Variants in TCP11L1 observed in about 807,000 individuals in gnomAD.
TCP11L1 encodes the protein T-complex protein 11-like protein 1.
TCP11L1 carries 28 observed loss-of-function variants against 48.9 expected under a neutral mutation model. The observed-to-expected ratio is 0.57, with a 90% CI of 0.42 to 0.78. TCP11L1 has a LOEUF of 0.78. Among genes scored for constraint, TCP11L1 ranks in the 30% least tolerant of loss-of-function variants. The probability of loss-of-function intolerance (pLI) is 0.00; values close to 1 mark genes in which losing one functional copy is unlikely to be tolerated. For synonymous variants in TCP11L1, 204 were observed against 231.9 expected, an observed-to-expected ratio of 0.88 and a Z score of 1.09; for missense variants, 505 against 613.4, an observed-to-expected ratio of 0.82 and a Z score of 1.87.
intron 2 of TCP11L1, among the ~76,000 whole-genome samples, chr11:33,053,805 G>A (rs188535347): frequency 3.9e-4 from 60 of 152,228 alleles, no homozygotes; most frequent in Admixed American, 9.2e-4. Context: ...TAAAGGACTT[G>A]ATGGTATTTT....
intron 2 of TCP11L1, among the ~76,000 whole-genome samples, chr11:33,053,398 A>G (rs1854221692): frequency 6.6e-6 from 1 of 152,082 alleles, no homozygotes; most frequent in Non-Finnish European, 1.5e-5. Flanking sequence ...ACCTGCCTTG[A>G]TCTCCCAAAG....
At chr11:33,041,149 C>A (rs1853820661) in intron 1 of TCP11L1, 1 of 152,212 alleles carries the variant, frequency 6.6e-6, no homozygotes, top group African/African-American at 2.4e-5. Context: ...TGAACTCAAT[C>A]TTAAGGATGG....
At chr11:33,049,862 A>G (rs1854106710) in intron 2 of TCP11L1, among the ~76,000 whole-genome samples, 1 of 152,136 alleles carries the variant, frequency 6.6e-6, no homozygotes, top group Admixed American at 6.5e-5. Flanking sequence ...CAGACCCTTT[A>G]CAGGTGTTGG....
At chr11:33,047,426 C>T (rs953541111) in intron 2 of TCP11L1, among the ~76,000 whole-genome samples, 4 of 152,318 alleles carry the variant, frequency 2.6e-5, no homozygotes, top group Middle Eastern at 3.4e-3. Flanking sequence ...CTTTAATGCT[C>T]TTCTCACAAA....
At chr11:33,071,090 G>A (rs920501391) in intron 9 of TCP11L1, among the ~76,000 whole-genome samples, 4 of 147,508 alleles carry the variant, frequency 2.7e-5, no homozygotes, top group Non-Finnish European at 6.0e-5. Context: ...GGGGGCAGAC[G>A]GATCACTTGA....
intron 7 of TCP11L1, 130 bp from the exon 8 acceptor site, chr11:33,065,700 C>T: frequency 9.6e-7 from 1 of 1,042,036 alleles, no homozygotes; most frequent in Non-Finnish European, 1.4e-6. Context: ...CAGACTCCCT[C>T]AAAGCTCTGA....
intron 2 of TCP11L1, among the ~76,000 whole-genome samples, chr11:33,049,478 G>C (rs1854094272): frequency 6.6e-6 from 1 of 152,140 alleles, no homozygotes; most frequent in Admixed American, 6.5e-5. Context: ...CCCTGTCTCT[G>C]AGTTCCCTCA....
intron 7 of TCP11L1, among the ~76,000 whole-genome samples, chr11:33,064,180 G>C (rs1190657049): frequency 6.6e-6 from 1 of 152,146 alleles, no homozygotes; most frequent in African/African-American, 2.4e-5. Context: ...AACGCTGTGG[G>C]GAAGATGGTG....
At position 33,072,760 on chromosome 11, in the gene TCP11L1, T is replaced by A; in HGVS notation, c.*84T>A. On this transcript the variant is annotated 3_prime_UTR_variant, in exon 10 of 10. Transcript: ENST00000334274. ...CTCTAATGTTGCATTGGAAAATGGC[T>A]ATATAGTACATGTCTATTTAACAGC... The A allele has an allele frequency of 6.9e-7, 1 of 1,459,740 alleles. No homozygotes were observed. Among genetic ancestry groups the A allele is most frequent in the Non-Finnish European group, 9.5e-7 (1 of 1,047,584 alleles). 90.4% of individuals were successfully genotyped at this position (1,459,740 alleles called of 1,614,324 possible).
intron 2 of TCP11L1, among the ~76,000 whole-genome samples, chr11:33,045,029 C>T (rs1304884405): frequency 2.0e-5 from 3 of 152,100 alleles, no homozygotes; most frequent in Non-Finnish European, 4.4e-5. Context: ...ACTACTATTG[C>T]TACTAACATT....
intron 7 of TCP11L1, among the ~76,000 whole-genome samples, chr11:33,063,946 T>G (rs1212137128): frequency 2.0e-5 from 3 of 152,126 alleles, no homozygotes; most frequent in Non-Finnish European, 4.4e-5. Context: ...CAGCCTGACA[T>G]GTCTATTTAA....
In TCP11L1 at chr11:33,072,844, C is replaced by A; in HGVS notation, c.*168C>A. ...TGTTGAAAAGACTTGTTGAGAAATC[C>A]ACTGAATTCTATTTTGAGAGATTGT... On this transcript the variant is annotated 3_prime_UTR_variant, in exon 10 of 10. Transcript: ENST00000334274. 1 of 709,248 alleles carries A rather than the reference C, an allele frequency of 1.4e-6. No individual in the cohort carries two copies. The highest frequency in any genetic ancestry group is 2.7e-5 in the East Asian group (1 of 37,442). 43.9% of individuals were successfully genotyped at this position (709,248 alleles called of 1,614,324 possible). A position where few individuals can be genotyped will look rare whatever the true frequency, so the allele number is the denominator to read the frequency against.
Position 33,054,851 on chromosome 11 carries a change from AT to A in TCP11L1, c.296+127del, listed in dbSNP as rs1854264651. On this transcript the variant is annotated intron_variant, in intron 3 of 9. Transcript: ENST00000334274. Reference sequence around the variant, plus strand: ...TCCTTTTGTACATTATTGCTAAAAAATATTCCTGAACAAGGAACAACCTAAA... The same window carrying A: ...TCCTTTTGTACATTATTGCTAAAAAAATTCCTGAACAAGGAACAACCTAAA... 4 of 1,176,310 alleles carry A rather than the reference AT, an allele frequency of 3.4e-6. 1 individual carries two copies. The South Asian group carries it at 7.1e-5, about 21-fold the overall frequency. 72.9% of individuals were successfully genotyped at this position (1,176,310 alleles called of 1,614,324 possible).
At chr11:33,053,069 G>T (rs1009991795) in intron 2 of TCP11L1, among the ~76,000 whole-genome samples, 1 of 151,702 alleles carries the variant, frequency 6.6e-6, no homozygotes, top group Non-Finnish European at 1.5e-5. Flanking sequence ...CTGAGAGGTG[G>T]GCTCAGCAAT....
At position 33,070,130 on chromosome 11, in the gene TCP11L1, A is replaced by AG. The variant is rs1303555557; in HGVS notation, c.1327+1271_1327+1272insG. On this transcript the variant is annotated intron_variant, in intron 9 of 9. Coordinates refer to ENST00000334274, the MANE Select transcript of TCP11L1 (RefSeq NM_018393.4). ...ATCTCTACAAAAAATTAAAAAAAAA[A>AG]AATTAGCCAGGTTAGTGACATGCAT... 2.6e-5 allele frequency among the ~76,000 whole-genome samples: 4 copies of AG among 152,114 alleles called. No homozygotes were observed. The East Asian group carries it at 7.7e-4, about 29-fold the overall frequency.
intron 2 of TCP11L1, among the ~76,000 whole-genome samples, chr11:33,052,775 A>ACT (rs556888103): frequency 6.4e-4 from 98 of 152,186 alleles, no homozygotes; most frequent in African/African-American, 2.1e-3. Flanking sequence ...CGGATCACTT[A>ACT]CTTAAGCTCA....
intron 9 of TCP11L1, among the ~76,000 whole-genome samples, chr11:33,070,023 G>A (rs958890883): frequency 3.3e-5 from 5 of 151,952 alleles, no homozygotes; most frequent in East Asian, 3.9e-4. Flanking sequence ...GCCAGTTACC[G>A]ACAGATTGAA....
Position 33,072,991 on chromosome 11 carries a change from C to G in TCP11L1, c.*315C>G. 2.8e-6 allele frequency: 1 copy of G among 353,976 alleles called. No homozygotes were observed. Among genetic ancestry groups the G allele is most frequent in the Non-Finnish European group, 5.3e-6 (1 of 187,524 alleles). 21.9% of individuals were successfully genotyped at this position (353,976 alleles called of 1,614,324 possible). ...CTTCCAAGGAGGCTGGGACCTCTCT[C>G]TTCTGCAATCTGGGTAGTTCTTTCA... On this transcript the variant is annotated 3_prime_UTR_variant, in exon 10 of 10. Coordinates refer to ENST00000334274, the MANE Select transcript of TCP11L1 (RefSeq NM_018393.4).
rs775940494 is a variant in TCP11L1, at chr11:33,065,870, T to A, written c.1013T>A (p.Leu338Ter). ...CAGTCTCGCTTCCACGAGCTCCAGTTGCAGCTGGAACAACTGACCATCCTG... is the reference window on the plus strand; with the variant it reads ...CAGTCTCGCTTCCACGAGCTCCAGTAGCAGCTGGAACAACTGACCATCCTG... ...MDQSRFHELQLQLEQLTILGA... is the reference protein window; with the variant it reads ...MDQSRFHELQ The change falls in exon 8 of 10, where the codon TTG becomes TAG. Residue 338 changes from leucine to a stop codon, truncating the protein, a stop_gained. Coordinates refer to ENST00000334274, the MANE Select transcript of TCP11L1 (RefSeq NM_018393.4). LOFTEE classifies it high-confidence loss of function. The A allele has an allele frequency of 6.2e-7, 1 of 1,614,124 alleles. No homozygotes were observed. The highest frequency in any genetic ancestry group is 8.5e-7 in the Non-Finnish European group (1 of 1,179,964).
Sources: allele counts gnomAD v4.1 joint callset (sites outside exome capture counted in the v4.1 genomes callset), GRCh38; gene constraint gnomAD v4.1.1; transcripts MANE v1.5; gene names NCBI Gene and HGNC (gene_info 2026-07-23, HGNC 2026-07-21).